The following TRIM55 variants were observed in gnomAD, a reference collection of about 807,000 sequenced individuals.
The protein encoded by TRIM55 is tripartite motif-containing protein 55.
A neutral mutation model predicts 60.9 loss-of-function variants in TRIM55; 50 were observed. The observed-to-expected ratio is 0.82, with a 90% CI of 0.65 to 1.04. The LOEUF (loss-of-function observed/expected upper bound fraction) is 1.04. Ranked by LOEUF, TRIM55 falls within the 50% of genes least tolerant of loss-of-function variation. TRIM55 has a pLI of 0.00. For synonymous variants in TRIM55, 237 were observed against 238.1 expected (o/e 1.00, Z 0.04); for missense variants, 681 against 666.9 (o/e 1.02, Z -0.23).
intron 9 of TRIM55, among the ~76,000 whole-genome samples, chr8:66,158,871 A>G (rs1563387920): frequency 6.6e-6 from 1 of 152,202 alleles, no homozygotes; most frequent in Non-Finnish European, 1.5e-5. Context: ...TACCTCCTTC[A>G]GATTCCATGA....
intron 9 of TRIM55, among the ~76,000 whole-genome samples, chr8:66,162,582 T>C (rs1811114662): frequency 6.6e-6 from 1 of 151,878 alleles, no homozygotes; most frequent in Non-Finnish European, 1.5e-5. Context: ...TGGAGTAGGG[T>C]CAATAGGATT....
rs922688560 is a variant in TRIM55 at position 66,165,140 on chromosome 8, C to T, written c.1525-9331C>T. Among the ~76,000 whole-genome samples, 12 of 152,092 alleles carry T rather than the reference C, an allele frequency of 7.9e-5. 1 individual carries two copies. Among genetic ancestry groups the T allele is most frequent in the Admixed American group, 2.0e-4 (3 of 15,266 alleles). Reference sequence around the variant, plus strand: ...GCCTTTCACATCACTCAAGGTTCAGCGCCCTTGAAAATATTCATATTTTCC... The same window carrying T: ...GCCTTTCACATCACTCAAGGTTCAGTGCCCTTGAAAATATTCATATTTTCC... On this transcript the variant is annotated intron_variant, in intron 9 of 9. Coordinates refer to ENST00000315962, the MANE Select transcript of TRIM55 (RefSeq NM_184085.2).
At chr8:66,132,161 A>G (rs1809196124) in intron 2 of TRIM55, among the ~76,000 whole-genome samples, 1 of 152,124 alleles carries the variant, frequency 6.6e-6, no homozygotes, top group Non-Finnish European at 1.5e-5. Flanking sequence ...AAGCTTTAAG[A>G]TCAGTTTGGG....
Position 66,149,768 on chromosome 8 carries a change from C to A in TRIM55, c.727C>A (p.His243Asn). The A allele has an allele frequency of 3.7e-6, 6 of 1,614,172 alleles. No individual in the cohort carries two copies. Among genetic ancestry groups the A allele is most frequent in the Non-Finnish European group, 5.1e-6 (6 of 1,180,016 alleles). Residue 243 changes from histidine (H) to asparagine (N), a missense_variant, in exon 5 of 10, where the codon CAT (histidine) becomes AAT (asparagine). Transcript: ENST00000315962. ...ITRTQEEKLE[H>N]VRALIKKYSD... Reference sequence around the variant, plus strand: ...CCGAACCCAAGAGGAGAAACTGGAACATGTCCGTGCTCTGATCAAAAAGTA... The same window carrying A: ...CCGAACCCAAGAGGAGAAACTGGAAAATGTCCGTGCTCTGATCAAAAAGTA...
Position 66,128,351 on chromosome 8 carries a change from A to G in TRIM55, c.216A>G (p.Ser72=). ...CAAGAGGAGGTACCACCATGGCATC[A>G]GGGGGCCGATTCCGCTGCCCATCCT... ...LPTRGGTTMA[S]GGRFRCPSCR... is the part of the protein sequence containing the mutation. Residue 72 remains serine (S), a synonymous_variant, in exon 2 of 10, where the codon TCA becomes TCG. Coordinates refer to ENST00000315962, the MANE Select transcript of TRIM55 (RefSeq NM_184085.2). 1 of 1,613,414 alleles carries G rather than the reference A, an allele frequency of 6.2e-7. No homozygotes were observed.
chr8:66,128,409 G>A lies in TRIM55; in HGVS notation c.274G>A (p.Val92Ile). ...RHEVVLDRHG[V>I]YGLQRNLLVE... is the part of the protein sequence containing the mutation. ...TGAAGTGGTTTTGGATAGACATGGG[G>A]TATATGGACTTCAGAGGAACCTGCT... Residue 92 changes from valine (V) to isoleucine (I), a missense_variant, in exon 2 of 10, where the codon GTA becomes ATA. Transcript: ENST00000315962. 1 of 1,613,926 alleles carries A rather than the reference G, an allele frequency of 6.2e-7. No homozygotes were observed.
the TRIM55 span, among the ~76,000 whole-genome samples, chr8:66,114,187 G>T: frequency 2.0e-5 from 3 of 150,708 alleles, no homozygotes; most frequent in Admixed American, 6.7e-5. Context: ...GTGCCCAGCC[G>T]TGGGGGATTA....
rs1429044405 is a variant in TRIM55 at position 66,152,842 on chromosome 8, A to G, written c.1236+215A>G. 2.6e-5 allele frequency among the ~76,000 whole-genome samples: 4 copies of G among 152,024 alleles called. No homozygotes were observed. The East Asian group carries it at 7.7e-4, about 29-fold the overall frequency. Reference sequence around the variant, plus strand: ...CTTTGTTGTTATTGTTAGTTAACAAAATTTAATACAACTTTCCCACCAGTA... The same window carrying G: ...CTTTGTTGTTATTGTTAGTTAACAAGATTTAATACAACTTTCCCACCAGTA... On this transcript the variant is annotated intron_variant, in intron 8 of 9. Coordinates refer to ENST00000315962, the MANE Select transcript of TRIM55 (RefSeq NM_184085.2).
chr8:66,128,005 A>G (rs551352452), intron 1 of TRIM55, among the ~76,000 whole-genome samples: 3 of 152,344 alleles, frequency 2.0e-5, no homozygotes, highest in East Asian at 3.9e-4. Context: ...ATGTGTTTCA[A>G]AACTATAAAT....
rs926278312 is a variant in TRIM55 at position 66,174,411 on chromosome 8, G to A, written c.1525-60G>A. The stretch of plus-strand genomic sequence containing the variant: ...CTTTCTCCTCAATAGAAAAGTGACT[G>A]GACCAATCCAAAAAGAACAAACCTC... On this transcript the variant is annotated intron_variant, in intron 9 of 9. Coordinates refer to ENST00000315962, the MANE Select transcript of TRIM55 (RefSeq NM_184085.2). The A allele has an allele frequency of 1.9e-6, 3 of 1,562,246 alleles. No homozygotes were observed. The African/African-American group carries it at 4.1e-5, about 21-fold the overall frequency.
rs778935413 is a variant in TRIM55 at position 66,149,671 on chromosome 8, G to C, written c.630G>C (p.Glu210Asp). 3.1e-6 allele frequency: 5 copies of C among 1,613,986 alleles called. No individual in the cohort carries two copies. In the African/African-American group the frequency reaches 6.7e-5, roughly 22 times the overall value. Residue 210 changes from glutamate (E) to aspartate (D), a missense_variant, in exon 5 of 10, where the codon GAG becomes GAC. Transcript: ENST00000315962. ...IEECCRKQKQ[E>D]LCEKFDYLYG... ...AATGTTGCAGAAAACAGAAACAAGA[G>C]CTTTGTGAGAAGTTTGATTACCTGT...
At chr8:66,138,494 A>G (rs1206586916) in intron 4 of TRIM55, among the ~76,000 whole-genome samples, 1 of 152,110 alleles carries the variant, frequency 6.6e-6, no homozygotes, top group East Asian at 1.9e-4. Flanking sequence ...GGTTCAAGCG[A>G]TTCTCCTGCC....
intron 9 of TRIM55, among the ~76,000 whole-genome samples, chr8:66,168,186 GA>G (rs1811428593): frequency 6.6e-6 from 1 of 152,146 alleles, no homozygotes; most frequent in South Asian, 2.1e-4. Flanking sequence ...GTCCCAAACA[GA>G]AATGTCTGCA....
intron 4 of TRIM55, among the ~76,000 whole-genome samples, chr8:66,139,290 C>T (rs1007378028): frequency 2.0e-5 from 3 of 152,168 alleles, no homozygotes; most frequent in Non-Finnish European, 4.4e-5. Flanking sequence ...TTGGAAGGAA[C>T]AGGCTTTCTG....
At chr8:66,114,150 C>A in the TRIM55 span, among the ~76,000 whole-genome samples, 1 of 147,358 alleles carries the variant, frequency 6.8e-6, no homozygotes, top group Non-Finnish European at 1.5e-5. Context: ...TGTTCTGACC[C>A]TTCTCTAAAG....
At position 66,133,474 on chromosome 8, in the gene TRIM55, G is replaced by A. The variant is rs563580634; in HGVS notation, c.342-1516G>A. Among the ~76,000 whole-genome samples the A allele has an allele frequency of 6.7e-4, 102 of 152,132 alleles. 2 individuals carry two copies. The South Asian group carries it at 0.021, about 31-fold the overall frequency. The stretch of plus-strand genomic sequence containing the variant: ...TAGTGGAGGAAACAGACAGACCTGA[G>A]AGGAGGATAATTTTCTCAATTGTGG... On this transcript the variant is annotated intron_variant, in intron 2 of 9. Coordinates refer to ENST00000315962, the MANE Select transcript of TRIM55 (RefSeq NM_184085.2).
At chr8:66,144,598 A>G (rs1235971170) in intron 4 of TRIM55, among the ~76,000 whole-genome samples, 1 of 152,260 alleles carries the variant, frequency 6.6e-6, no homozygotes, top group Non-Finnish European at 1.5e-5. Context: ...AAGCACAGAC[A>G]TCAAAAGGAA....
At chr8:66,138,680 C>T (rs1161290969) in intron 4 of TRIM55, among the ~76,000 whole-genome samples, 8 of 152,184 alleles carry the variant, frequency 5.3e-5, no homozygotes, top group South Asian at 4.1e-4. Context: ...TGAGCCACCA[C>T]GCCCAGCCAG....
chr8:66,164,683 T>C (rs1811224112), intron 9 of TRIM55, among the ~76,000 whole-genome samples: 1 of 152,226 alleles, frequency 6.6e-6, no homozygotes, highest in Non-Finnish European at 1.5e-5. Context: ...TCACACCTTA[T>C]GGCTCTTCAC....
Sources: allele counts gnomAD v4.1 joint callset (sites outside exome capture counted in the v4.1 genomes callset), GRCh38; gene constraint gnomAD v4.1.1; transcripts MANE v1.5; gene names NCBI Gene and HGNC (gene_info 2026-07-23, HGNC 2026-07-21).